Variants in NAV3 observed in about 807,000 individuals in gnomAD.
NAV3 encodes pore membrane and/or filament interacting like protein 1.
A neutral mutation model predicts 244.7 loss-of-function variants in NAV3; 87 were observed. The observed-to-expected ratio is 0.36, with a 90% confidence interval of 0.30 to 0.42. The LOEUF is 0.42. NAV3 is among the 20% of genes least tolerant of loss of function. The probability of loss-of-function intolerance (pLI) is 1.00; values close to 1 mark genes in which losing one functional copy is unlikely to be tolerated. For missense variants in NAV3, 2,663 were observed against 2,893.3 expected, an observed-to-expected ratio of 0.92 and a Z score of 1.83; for synonymous variants, 1,126 against 1,042.2, an observed-to-expected ratio of 1.08 and a Z score of -1.55.
intron 2 of NAV3, among the ~76,000 whole-genome samples, chr12:77,741,166 A>AAAAAAAAAAAAAAAAAAAAAAAAAAAAAC (rs58368251): frequency 7.2e-6 from 1 of 138,290 alleles, no homozygotes; most frequent in Non-Finnish European, 1.6e-5. Flanking sequence ...AAAAAAAAAA[A>AAAAAAAAAAAAAAAAAAAAAAAAAAAAAC]GAAAAGAAAG....
chr12:77,732,237 T>A (rs1877155851), intron 2 of NAV3, among the ~76,000 whole-genome samples: 1 of 151,942 alleles, frequency 6.6e-6, no homozygotes, highest in Non-Finnish European at 1.5e-5. Flanking sequence ...TGAAGAGTTT[T>A]CAGAGAAGAT....
intron 2 of NAV3, among the ~76,000 whole-genome samples, chr12:77,676,923 A>G (rs992746036): frequency 3.9e-5 from 6 of 152,170 alleles, no homozygotes; most frequent in Admixed American, 6.5e-5. Context: ...TGAGCACAAC[A>G]TTCTTTAAGC....
At chr12:78,116,100 G>A (rs1474105607) in intron 12 of NAV3, among the ~76,000 whole-genome samples, 1 of 152,156 alleles carries the variant, frequency 6.6e-6, no homozygotes, top group African/African-American at 2.4e-5. Flanking sequence ...GTTATGACAT[G>A]GCCAGATGTG....
intron 9 of NAV3, 122 bp downstream of exon 9, chr12:78,021,984 T>C: frequency 2.2e-6 from 1 of 451,076 alleles, no homozygotes; most frequent in East Asian, 3.6e-5. Context: ...TATATACATC[T>C]CATGCTTCAA....
intron 2 of NAV3, among the ~76,000 whole-genome samples, chr12:77,595,203 T>C (rs1192093031): frequency 1.3e-5 from 2 of 152,116 alleles, no homozygotes; most frequent in African/African-American, 2.4e-5. Flanking sequence ...AGTATGTATA[T>C]ATTATGGAAT....
At chr12:77,752,048 C>T (rs1031428963) in intron 2 of NAV3, among the ~76,000 whole-genome samples, 7 of 151,986 alleles carry the variant, frequency 4.6e-5, no homozygotes, top group Non-Finnish European at 8.8e-5. Flanking sequence ...TGTCAGCTTC[C>T]TATGTAATTT....
At chr12:78,204,217 AG>A (rs375128544) in intron 38 of NAV3, among the ~76,000 whole-genome samples, 2,473 of 135,614 alleles carry the variant, frequency 0.018, 78 homozygotes, top group African/African-American at 0.065. Context: ...GGTGGGGCGG[AG>A]GGGGGAGGGA....
At chr12:77,809,390 C>T (rs1354241529) in intron 2 of NAV3, among the ~76,000 whole-genome samples, 1 of 152,224 alleles carries the variant, frequency 6.6e-6, no homozygotes, top group Non-Finnish European at 1.5e-5. Flanking sequence ...TTCCTCACAG[C>T]ACAGTCCCTC....
At chr12:77,799,902 T>C (rs1871613070) in intron 2 of NAV3, among the ~76,000 whole-genome samples, 2 of 152,180 alleles carry the variant, frequency 1.3e-5, no homozygotes. Context: ...TTATTAGTTA[T>C]AATGCTACTG....
intron 2 of NAV3, among the ~76,000 whole-genome samples, chr12:77,704,023 G>A (rs1299494569): frequency 6.6e-6 from 1 of 152,152 alleles, no homozygotes; most frequent in Non-Finnish European, 1.5e-5. Context: ...TGGATATCTT[G>A]TTGAGGTCAC....
intron 3 of NAV3, among the ~76,000 whole-genome samples, chr12:77,961,372 ATATAT>A (rs1891958933): frequency 7.3e-6 from 1 of 137,654 alleles, no homozygotes; most frequent in South Asian, 2.3e-4. Flanking sequence ...AATATAATAA[ATATAT>A]TAATATAAAT....
At chr12:77,794,267 G>A (rs1361575785) in intron 2 of NAV3, among the ~76,000 whole-genome samples, 1 of 152,084 alleles carries the variant, frequency 6.6e-6, no homozygotes, top group East Asian at 1.9e-4. Context: ...ATTATATTAG[G>A]GAAGAAAAGC....
intron 12 of NAV3, among the ~76,000 whole-genome samples, chr12:78,095,775 T>TG (rs1443629175): frequency 6.6e-6 from 1 of 152,164 alleles, no homozygotes. Context: ...GTTTTTGTCT[T>TG]GGGTAGGTGT....
chr12:78,164,007 G>A (rs1018626471), intron 23 of NAV3, among the ~76,000 whole-genome samples: 13 of 152,092 alleles, frequency 8.5e-5, no homozygotes, highest in African/African-American at 2.9e-4. Context: ...AAATCATTGT[G>A]CAGCTTAATT....
rs1306159453 is a variant in NAV3 at position 78,151,725 on chromosome 12, A to G, written c.4785+2806A>G. Among the ~76,000 whole-genome samples, 3 of 151,790 alleles carry G rather than the reference A, an allele frequency of 2.0e-5. No individual in the cohort carries two copies. The East Asian group carries it at 5.8e-4, about 29-fold the overall frequency. On this transcript the variant is annotated intron_variant, in intron 22 of 39. Transcript: ENST00000397909. ...CCATCACATGAATCCACATATGTCA[A>G]TCTATTAATGTAAATCAATATTGTA...
At chr12:77,846,488 C>T (rs555709359) in intron 1 of NAV3, among the ~76,000 whole-genome samples, 12 of 152,228 alleles carry the variant, frequency 7.9e-5, no homozygotes, top group East Asian at 1.9e-4. Flanking sequence ...GATTTTAGTG[C>T]GCAGTGTCTT....
intron 2 of NAV3, among the ~76,000 whole-genome samples, chr12:77,581,851 G>T (rs1016678348): frequency 4.6e-5 from 7 of 152,120 alleles, no homozygotes; most frequent in African/African-American, 1.7e-4. Context: ...TATGCTCTGT[G>T]GTAGGTAATA....
At chr12:78,051,171 G>A (rs781659933) in intron 11 of NAV3, 24 bp downstream of exon 11, 3 of 1,582,666 alleles carry the variant, frequency 1.9e-6, no homozygotes, top group Non-Finnish European at 2.6e-6. Context: ...TTCTCCGTCA[G>A]CATTGTGTGA....
Position 78,007,383 on chromosome 12 carries a change from A to G in NAV3, c.1845A>G (p.Gln615=), listed in dbSNP as rs61753859. The part of the protein sequence containing the change: ...SGQSTGNGAV[Q]LPQQQQHSHP... ...AGAGCACAGGAAATGGTGCTGTCCAACTCCCTCAACAGCAGCAACATAGCC... is the reference window on the plus strand; with the variant it reads ...AGAGCACAGGAAATGGTGCTGTCCAGCTCCCTCAACAGCAGCAACATAGCC... Residue 615 remains glutamine (Q), a synonymous_variant, in exon 8 of 40, where the codon CAA becomes CAG. Transcript: ENST00000397909. 1.5e-3 allele frequency: 2,445 copies of G among 1,614,000 alleles called. 5 individuals carry two copies. The highest frequency in any genetic ancestry group is 1.9e-3 in the Non-Finnish European group (2,216 of 1,180,002).
Sources: allele counts gnomAD v4.1 joint callset (sites outside exome capture counted in the v4.1 genomes callset), GRCh38; gene constraint gnomAD v4.1.1; transcripts MANE v1.5; gene names NCBI Gene and HGNC (gene_info 2026-07-23, HGNC 2026-07-21).